SYT14: variants seen among roughly 807,000 people sequenced by gnomAD.
SYT14 encodes the protein synaptotagmin-14.
In SYT14, 32 loss-of-function variants were observed where a neutral mutation model predicts 74.2. That is an observed-to-expected ratio of 0.43 (90% CI 0.33 to 0.58). SYT14 has a LOEUF of 0.58. SYT14 is among the 20% of genes least tolerant of loss of function. The probability of loss-of-function intolerance (pLI) is 0.05; values close to 1 mark genes in which losing one functional copy is unlikely to be tolerated. For synonymous variants in SYT14, 298 were observed against 337.7 expected, an observed-to-expected ratio of 0.88 and a Z score of 1.29; for missense variants, 791 against 981.8, an observed-to-expected ratio of 0.81 and a Z score of 2.60.
intron 1 of SYT14, among the ~76,000 whole-genome samples, chr1:209,945,875 G>C (rs2078814649): frequency 6.6e-6 from 1 of 152,130 alleles, no homozygotes; most frequent in Non-Finnish European, 1.5e-5. Flanking sequence ...TTTACAAATT[G>C]AAAGTTTGTG....
intron 2 of SYT14, among the ~76,000 whole-genome samples, chr1:210,004,731 C>G (rs183593661): frequency 3.9e-4 from 60 of 152,104 alleles, no homozygotes; most frequent in Admixed American, 1.8e-3. Flanking sequence ...AACTGCGATG[C>G]TTGTTCAGAG....
chr1:210,094,667 TAAG>T (rs2081938025), intron 6 of SYT14, 74 bp downstream of exon 5: 4 of 1,501,398 alleles, frequency 2.7e-6, no homozygotes, highest in Non-Finnish European at 2.8e-6. Flanking sequence ...CTCCTCTTGG[TAAG>T]AAGAATTGAT....
intron 2 of SYT14, among the ~76,000 whole-genome samples, chr1:209,976,264 C>G (rs1196098541): frequency 6.7e-6 from 1 of 148,738 alleles, no homozygotes; most frequent in East Asian, 2.0e-4. Context: ...TGTGTTTGCT[C>G]TTGCTTCTCT....
intron 7 of SYT14, among the ~76,000 whole-genome samples, chr1:210,145,466 ATATT>A (rs2083012927): frequency 6.6e-6 from 1 of 152,194 alleles, no homozygotes; most frequent in African/African-American, 2.4e-5. Flanking sequence ...TCATTCAGCA[ATATT>A]TATTAAGTGC....
chr1:210,138,252 G>C (rs1269863879), intron 7 of SYT14, among the ~76,000 whole-genome samples: 1 of 152,194 alleles, frequency 6.6e-6, no homozygotes, highest in Non-Finnish European at 1.5e-5. Context: ...ACAGGCAAGA[G>C]AGCCTGTGCA....
chr1:210,149,267 C>G (rs2083110819), intron 7 of SYT14, among the ~76,000 whole-genome samples: 1 of 150,256 alleles, frequency 6.7e-6, no homozygotes, highest in Non-Finnish European at 1.5e-5. Context: ...TCACTGCAAC[C>G]TCCACCTCGC....
intron 7 of SYT14, among the ~76,000 whole-genome samples, chr1:210,116,275 C>A (rs563250230): frequency 6.6e-6 from 1 of 152,206 alleles, no homozygotes; most frequent in South Asian, 2.1e-4. Flanking sequence ...TGTATATTAT[C>A]TCTGAGTTTA....
chr1:209,986,885 G>A (rs1452193636), intron 2 of SYT14, among the ~76,000 whole-genome samples: 2 of 152,050 alleles, frequency 1.3e-5, no homozygotes, highest in African/African-American at 2.4e-5. Context: ...GCCTCCCAAA[G>A]TGCTGGGATT....
At chr1:210,163,926 C>T (rs559049750) in exon 10 of SYT14, 76 of 453,352 alleles carry the variant, frequency 1.7e-4, no homozygotes, top group South Asian at 9.0e-4. Context: ...AAAGACAACC[C>T]ACTTTCATAC....
At chr1:210,153,317 C>T (rs1207806772) in intron 7 of SYT14, among the ~76,000 whole-genome samples, 2 of 152,000 alleles carry the variant, frequency 1.3e-5, no homozygotes, top group Non-Finnish European at 2.9e-5. Context: ...CCCCTGATTA[C>T]TAATGAAGTC....
At chr1:210,065,959 G>T (rs1289392691) in intron 5 of SYT14, among the ~76,000 whole-genome samples, 1 of 149,914 alleles carries the variant, frequency 6.7e-6, no homozygotes, top group Non-Finnish European at 1.5e-5. Context: ...TCCCACCTAT[G>T]AGTGAGAACG....
chr1:210,025,219 G>A (rs144175819), intron 5 of SYT14, among the ~76,000 whole-genome samples: 21 of 152,320 alleles, frequency 1.4e-4, no homozygotes, highest in Non-Finnish European at 1.8e-4. Context: ...GCAAAGCTGC[G>A]TCTGCAGAAA....
At chr1:210,119,748 T>G (rs2082422314) in intron 7 of SYT14, among the ~76,000 whole-genome samples, 1 of 152,164 alleles carries the variant, frequency 6.6e-6, no homozygotes, top group South Asian at 2.1e-4. Flanking sequence ...CCTGTTAGAG[T>G]AAAATACACA....
At chr1:210,139,090 ATTT>A (rs11365249) in intron 7 of SYT14, among the ~76,000 whole-genome samples, 3 of 135,168 alleles carry the variant, frequency 2.2e-5, no homozygotes, top group African/African-American at 5.6e-5. Context: ...GAGTACTTTT[ATTT>A]TTTTTTTTTT....
chr1:209,951,485 A>G (rs1324959033), intron 1 of SYT14, among the ~76,000 whole-genome samples: 1 of 152,140 alleles, frequency 6.6e-6, no homozygotes, highest in Non-Finnish European at 1.5e-5. Context: ...TTTAGACTGC[A>G]TAGTATTCCA....
chr1:210,043,241 G>C (rs1373819216), intron 5 of SYT14, among the ~76,000 whole-genome samples: 2 of 152,040 alleles, frequency 1.3e-5, no homozygotes, highest in African/African-American at 2.4e-5. Context: ...AGCTACATGT[G>C]GTGTGTACAG....
intron 1 of SYT14, among the ~76,000 whole-genome samples, chr1:209,947,038 T>C (rs1488932385): frequency 6.6e-6 from 1 of 152,198 alleles, no homozygotes; most frequent in African/African-American, 2.4e-5. Flanking sequence ...CATGGTTTAT[T>C]GAATATTTTG....
intron 2 of SYT14, among the ~76,000 whole-genome samples, chr1:209,976,673 A>G (rs1378345599): frequency 6.6e-6 from 1 of 152,132 alleles, no homozygotes; most frequent in Admixed American, 6.6e-5. Context: ...AGAAGAATGT[A>G]TGTTCTGTTG....
rs114869573 is a variant in SYT14, at chr1:210,131,408, A to C, written c.2035-24313A>C. 9.3e-3 allele frequency among the ~76,000 whole-genome samples: 1,415 copies of C among 152,162 alleles called. 17 individuals are homozygous for C. The highest frequency in any genetic ancestry group is 0.032 in the African/African-American group (1,335 of 41,508). On this transcript the variant is annotated intron_variant, in intron 7 of 9. Coordinates refer to ENST00000637265, the Ensembl canonical transcript of SYT14. ...TATGTAGAACTTGTTATAAAATATG[A>C]AAGAAAATGTAAATTGTTAAAGTCT... is the stretch of plus-strand genomic sequence containing the variant.
Sources: gnomAD v4.1 joint callset for allele counts (sites outside exome capture counted in the v4.1 genomes callset) on GRCh38, gnomAD v4.1.1 for gene constraint, MANE v1.5 for transcripts, NCBI Gene and HGNC (gene_info 2026-07-23, HGNC 2026-07-21) for gene names.